ATXN7: variants seen among roughly 807,000 people sequenced by gnomAD.
The protein encoded by ATXN7 is ataxin-7.
A neutral mutation model predicts 70.5 loss-of-function variants in ATXN7; 12 were observed. The ratio of observed to expected loss-of-function variants is 0.17; its 90% CI spans 0.11 to 0.28. ATXN7 has a LOEUF of 0.28. Ranked by LOEUF, ATXN7 falls within the 10% of genes least tolerant of loss-of-function variation. ATXN7 has a pLI of 1.00. For synonymous variants in ATXN7, 498 were observed against 448.7 expected (o/e 1.11, Z -1.39); for missense variants, 1,256 against 1,131.7 (o/e 1.11, Z -1.58).
At chr3:63,984,687 G>C (rs903041210) in intron 8 of ATXN7, among the ~76,000 whole-genome samples, 1 of 152,208 alleles carries the variant, frequency 6.6e-6, no homozygotes, top group Non-Finnish European at 1.5e-5. Context: ...GTGCAAGACA[G>C]TATTGTTGAC....
intron 5 of ATXN7, among the ~76,000 whole-genome samples, chr3:63,958,024 C>G (rs1020553000): frequency 6.6e-6 from 1 of 152,196 alleles, no homozygotes; most frequent in East Asian, 1.9e-4. Flanking sequence ...GTATTTGAGT[C>G]TGTTGGTGAG....
intron 12 of ATXN7, chr3:63,998,144 T>C: frequency 1.0e-6 from 1 of 980,952 alleles, no homozygotes; most frequent in Non-Finnish European, 1.2e-6. Flanking sequence ...GAGCACACTG[T>C]CTTCATTTAG....
chr3:63,936,607 G>A (rs1019069170), intron 4 of ATXN7, among the ~76,000 whole-genome samples: 3 of 152,102 alleles, frequency 2.0e-5, no homozygotes, highest in Admixed American at 2.0e-4. Flanking sequence ...CCAAAGGTGA[G>A]GTATAAGTAG....
At chr3:63,998,474 C>T in intron 12 of ATXN7, 2 of 985,242 alleles carry the variant, frequency 2.0e-6, no homozygotes, top group Non-Finnish European at 2.4e-6. Flanking sequence ...ATTTTGCCAC[C>T]TTTGATTTTT....
intron 4 of ATXN7, among the ~76,000 whole-genome samples, chr3:63,922,249 C>T (rs564567372): frequency 1.3e-5 from 2 of 151,890 alleles, no homozygotes; most frequent in African/African-American, 2.4e-5. Context: ...ACCATGTTGC[C>T]CAGGCTGGTC....
At chr3:63,939,867 C>G (rs1314299708) in intron 4 of ATXN7, among the ~76,000 whole-genome samples, 2 of 152,128 alleles carry the variant, frequency 1.3e-5, no homozygotes, top group South Asian at 4.2e-4. Flanking sequence ...AGAATTGTCA[C>G]TGATGTATCT....
rs369086485 is a variant in ATXN7 at position 63,990,709 on chromosome 3, C to G, written c.1561-29C>G. On this transcript the variant is annotated intron_variant, in intron 10 of 12. Transcript: ENST00000674280. ...CTGGGCATGCCAGTGTGGGAGTCAGCAAGCACGCGGCTATGTTTTCTCTTG... is the reference window on the plus strand; with the variant it reads ...CTGGGCATGCCAGTGTGGGAGTCAGGAAGCACGCGGCTATGTTTTCTCTTG... 48 of 1,613,994 alleles carry G rather than the reference C, an allele frequency of 3.0e-5. No individual in the cohort carries two copies. The African/African-American group carries it at 6.0e-4, about 20-fold the overall frequency.
At chr3:63,915,777 G>A (rs1221118715) in intron 4 of ATXN7, among the ~76,000 whole-genome samples, 1 of 151,774 alleles carries the variant, frequency 6.6e-6, no homozygotes, top group Admixed American at 6.6e-5. Context: ...TGCTTCCTGG[G>A]TTCAAGCGAT....
rs1451375942 is a variant in ATXN7, at chr3:63,996,883, T to A, written c.2661+400T>A. Among the ~76,000 whole-genome samples, 12 of 152,368 alleles carry A rather than the reference T, an allele frequency of 7.9e-5. No individual in the cohort carries two copies. In the East Asian group the frequency reaches 2.1e-3, roughly 27 times the overall value. On this transcript the variant is annotated intron_variant, in intron 12 of 12. Coordinates refer to ENST00000674280, the MANE Select transcript of ATXN7 (RefSeq NM_001377405.1). ...TTTAAGGAAGGAAGCAGGCATTGTT[T>A]CCTGGATAGTGGTTCTTTAGTATGT...
Position 63,943,599 on chromosome 3 carries a change from T to G in ATXN7, c.395-8780T>G, listed in dbSNP as rs562217696. On this transcript the variant is annotated intron_variant, in intron 4 of 12. Transcript: ENST00000674280. ...CTAGTAGTCTGTGAGGTAGGTACTT[T>G]GACTTTACCCATTTAGAAATGAGAA... Among the ~76,000 whole-genome samples, 3 of 152,332 alleles carry G rather than the reference T, an allele frequency of 2.0e-5. No homozygotes were observed. In the East Asian group the frequency reaches 5.8e-4, roughly 29 times the overall value.
chr3:63,955,160 A>G (rs943944264), intron 5 of ATXN7, among the ~76,000 whole-genome samples: 1 of 152,210 alleles, frequency 6.6e-6, no homozygotes, highest in African/African-American at 2.4e-5. Flanking sequence ...TTCAAGATTC[A>G]TTTACTCCAA....
intron 1 of ATXN7, among the ~76,000 whole-genome samples, chr3:63,868,689 C>A (rs1702507151): frequency 6.6e-6 from 1 of 152,016 alleles, no homozygotes; most frequent in African/African-American, 2.4e-5. Flanking sequence ...AAATGATAGC[C>A]ACCCACCAGC....
At chr3:63,869,549 C>G (rs376249486) in intron 1 of ATXN7, among the ~76,000 whole-genome samples, 51 of 152,252 alleles carry the variant, frequency 3.3e-4, no homozygotes, top group Middle Eastern at 3.4e-3. Flanking sequence ...CTCAGCCTCC[C>G]TAGTAGCTGG....
intron 5 of ATXN7, among the ~76,000 whole-genome samples, chr3:63,965,681 A>G (rs1191474027): frequency 6.6e-6 from 1 of 152,210 alleles, no homozygotes; most frequent in East Asian, 1.9e-4. Flanking sequence ...TCATTGGGAT[A>G]TTTAATATCA....
At chr3:63,866,109 G>A (rs149889470) in intron 1 of ATXN7, among the ~76,000 whole-genome samples, 68 of 152,158 alleles carry the variant, frequency 4.5e-4, no homozygotes, top group African/African-American at 1.6e-3. Context: ...ATGGAGTGCT[G>A]TTCAAACATT....
intron 4 of ATXN7, among the ~76,000 whole-genome samples, chr3:63,934,655 A>G (rs1318114342): frequency 6.6e-6 from 1 of 152,188 alleles, no homozygotes; most frequent in East Asian, 1.9e-4. Context: ...GTTGCACAGC[A>G]GCATCAGATT....
In ATXN7 at chr3:63,916,151, A is replaced by G. The variant is rs115670770; in HGVS notation, c.394+2926A>G. 7.0e-3 allele frequency among the ~76,000 whole-genome samples: 1,068 copies of G among 152,354 alleles called. 16 individuals are homozygous for G. Among genetic ancestry groups the G allele is most frequent in the African/African-American group, 0.022 (922 of 41,582 alleles). ...AATATACTTTCCCTCTTTGGAAGAT[A>G]ATACTACCTACTTCCCAAGGTTATT... On this transcript the variant is annotated intron_variant, in intron 4 of 12. Coordinates refer to ENST00000674280, the MANE Select transcript of ATXN7 (RefSeq NM_001377405.1).
rs944326003 is a variant in ATXN7 at position 63,903,032 on chromosome 3, C to A, written c.-12+4535C>A. 2.6e-5 allele frequency among the ~76,000 whole-genome samples: 4 copies of A among 152,042 alleles called. No individual in the cohort carries two copies. In the East Asian group the frequency reaches 7.7e-4, roughly 29 times the overall value. On this transcript the variant is annotated intron_variant, in intron 2 of 12. Transcript: ENST00000674280. Reference sequence around the variant, plus strand: ...TCTCATATGGTAAATCTAGAGTTATCTAGATTGTTTTTTGCATAGACTTAT... The same window carrying A: ...TCTCATATGGTAAATCTAGAGTTATATAGATTGTTTTTTGCATAGACTTAT...
At chr3:63,979,836 A>C in intron 5 of ATXN7, 79 bp from the exon 6 acceptor site, 3 of 1,577,344 alleles carry the variant, frequency 1.9e-6, no homozygotes, top group Non-Finnish European at 2.6e-6. Flanking sequence ...GAATATATTG[A>C]TTTCAGGGAA....
Sources: gnomAD v4.1 joint callset for allele counts (sites outside exome capture counted in the v4.1 genomes callset) on GRCh38, gnomAD v4.1.1 for gene constraint, MANE v1.5 for transcripts, NCBI Gene and HGNC (gene_info 2026-07-23, HGNC 2026-07-21) for gene names.